The following PDCD1LG2 variants were observed in gnomAD, a reference collection of about 807,000 sequenced individuals.
The protein encoded by PDCD1LG2 is programmed cell death 1 ligand 2.
In PDCD1LG2, 32 loss-of-function variants were observed where a neutral mutation model predicts 28.2. The observed-to-expected ratio is 1.13, with a 90% CI of 0.86 to 1.52. The LOEUF (loss-of-function observed/expected upper bound fraction) is 1.52. Among genes scored for constraint, PDCD1LG2 ranks in the 40% most tolerant of loss-of-function variants. The probability of loss-of-function intolerance (pLI) is 0.00; values close to 1 mark genes in which losing one functional copy is unlikely to be tolerated. For missense variants in PDCD1LG2, 385 were observed against 323.8 expected, an observed-to-expected ratio of 1.19 and a Z score of -1.45; for synonymous variants, 116 against 120.2, an observed-to-expected ratio of 0.97 and a Z score of 0.23.
chr9:5,559,994 G>T lies in PDCD1LG2; in HGVS notation c.766+2242G>T, dbSNP rs996839422. ...AAATATTTTTTCTTGTTGTCCACCTGAGTTGGAGTCATCTTTTAAATCTCA... is the reference window on the plus strand; with the variant it reads ...AAATATTTTTTCTTGTTGTCCACCTTAGTTGGAGTCATCTTTTAAATCTCA... On this transcript the variant is annotated intron_variant, in intron 5 of 6. Transcript: ENST00000397747. 9.9e-5 allele frequency among the ~76,000 whole-genome samples: 15 copies of T among 152,254 alleles called. 1 individual carries two copies. The highest frequency in any genetic ancestry group is 9.8e-4 in the Admixed American group (15 of 15,280).
At chr9:5,529,505 T>C (rs1820441575) in intron 2 of PDCD1LG2, among the ~76,000 whole-genome samples, 2 of 152,250 alleles carry the variant, frequency 1.3e-5, no homozygotes, top group Non-Finnish European at 2.9e-5. Flanking sequence ...CATTAACTTA[T>C]GTGTATATCC....
chr9:5,529,799 C>A (rs192760883), intron 2 of PDCD1LG2, among the ~76,000 whole-genome samples: 3 of 152,272 alleles, frequency 2.0e-5, no homozygotes, highest in Admixed American at 2.0e-4. Context: ...AACTACCCTG[C>A]TGACTGCTGA....
intron 6 of PDCD1LG2, among the ~76,000 whole-genome samples, chr9:5,568,162 G>A (rs1586824387): frequency 6.6e-6 from 1 of 152,276 alleles, no homozygotes; most frequent in East Asian, 1.9e-4. Context: ...TTAGAGTGGA[G>A]GACATAATCA....
chr9:5,519,260 G>T (rs1820228544), intron 1 of PDCD1LG2, among the ~76,000 whole-genome samples: 1 of 152,170 alleles, frequency 6.6e-6, no homozygotes, highest in Non-Finnish European at 1.5e-5. Context: ...GTTGCATAGT[G>T]TTGGGAATGT....
In PDCD1LG2 at chr9:5,560,320, C is replaced by A. The variant is rs185131413; in HGVS notation, c.766+2568C>A. 3.4e-3 allele frequency among the ~76,000 whole-genome samples: 522 copies of A among 152,296 alleles called. 1 individual carries two copies. Among genetic ancestry groups the A allele is most frequent in the African/African-American group, 0.012 (487 of 41,560 alleles). ...CAAACTGCCAGAAAGCTTACTTAGCCCACAGGGCCAGTGCTAGGCAGCTAG... is the reference window on the plus strand; with the variant it reads ...CAAACTGCCAGAAAGCTTACTTAGCACACAGGGCCAGTGCTAGGCAGCTAG... On this transcript the variant is annotated intron_variant, in intron 5 of 6. Coordinates refer to ENST00000397747, the MANE Select transcript of PDCD1LG2 (RefSeq NM_025239.4).
chr9:5,529,175 T>A (rs1229783979), intron 2 of PDCD1LG2, among the ~76,000 whole-genome samples: 1 of 152,276 alleles, frequency 6.6e-6, no homozygotes, highest in Admixed American at 6.5e-5. Context: ...GATTTATCAA[T>A]GTTTTCTTTT....
chr9:5,560,166 T>G (rs1372455601), intron 5 of PDCD1LG2, among the ~76,000 whole-genome samples: 2 of 152,240 alleles, frequency 1.3e-5, no homozygotes. Context: ...GGATCTGTTT[T>G]AATAGCTTGG....
chr9:5,534,747 T>G lies in PDCD1LG2; in HGVS notation c.58T>G (p.Leu20Val), dbSNP rs1820547052. 3.1e-6 allele frequency: 5 copies of G among 1,594,304 alleles called. No individual in the cohort carries two copies. The highest frequency in any genetic ancestry group is 4.3e-6 in the Non-Finnish European group (5 of 1,167,596). ...LELQLHQIAA[L>V]FTVTVPKELY... The stretch of plus-strand genomic sequence containing the variant: ...AAAATATCTTGTTTTCTTTTCAGCT[T>G]TATTCACAGTGACAGTCCCTAAGGA... Residue 20 changes from leucine (L) to valine (V), a missense_variant and splice_region_variant, in exon 3 of 7, where the codon TTA becomes GTA. Physicochemically the swap from Leu to Val is conservative, Grantham distance 32 (BLOSUM62 1). Transcript: ENST00000397747.
intron 4 of PDCD1LG2, among the ~76,000 whole-genome samples, chr9:5,556,352 A>T (rs1816442132): frequency 6.6e-6 from 1 of 152,076 alleles, no homozygotes; most frequent in African/African-American, 2.4e-5. Flanking sequence ...GGGTTATCCA[A>T]TGTTTGGATG....
chr9:5,511,578 T>C (rs988914175), intron 1 of PDCD1LG2, among the ~76,000 whole-genome samples: 11 of 152,278 alleles, frequency 7.2e-5, no homozygotes, highest in Non-Finnish European at 1.6e-4. Flanking sequence ...GAGACCTAAA[T>C]TGACAAAATG....
chr9:5,558,679 A>C (rs1044147132), intron 5 of PDCD1LG2, among the ~76,000 whole-genome samples: 1 of 152,212 alleles, frequency 6.6e-6, no homozygotes, highest in Admixed American at 6.5e-5. Flanking sequence ...ATCTGCCATA[A>C]AATATTGTCA....
intron 1 of PDCD1LG2, among the ~76,000 whole-genome samples, chr9:5,516,038 C>T (rs970520944): frequency 6.6e-6 from 1 of 150,910 alleles, no homozygotes; most frequent in African/African-American, 2.4e-5. Context: ...TGGCTGAGTC[C>T]AGGGTTTTGT....
rs139402157 is a variant in PDCD1LG2, at chr9:5,569,949, C to T, written c.817-5C>T. 58 of 1,613,766 alleles carry T rather than the reference C, an allele frequency of 3.6e-5. No individual in the cohort carries two copies. The African/African-American group carries it at 5.7e-4, about 16-fold the overall frequency. ...TTTTTCTTATTTGTGGGCTTTTCTC[C>T]CCAGATCTGAACCTGTGGTCTTGGG... On this transcript the variant is annotated splice_polypyrimidine_tract_variant and splice_region_variant and intron_variant, in intron 6 of 6. Transcript: ENST00000397747. This position sits in a 1 kb window ranked among gnomAD's most constrained non-coding sequence, Gnocchi z 4.1.
chr9:5,565,302 C>T (rs1180520181), intron 6 of PDCD1LG2, among the ~76,000 whole-genome samples: 1 of 152,200 alleles, frequency 6.6e-6, no homozygotes, highest in Non-Finnish European at 1.5e-5. Context: ...CCACCTCAGC[C>T]TCCTGAGTAG....
intron 6 of PDCD1LG2, among the ~76,000 whole-genome samples, chr9:5,566,471 C>A (rs903818354): frequency 6.6e-6 from 1 of 152,120 alleles, no homozygotes; most frequent in African/African-American, 2.4e-5. Context: ...ATAAGTGATG[C>A]GTGTTATTTC....
At chr9:5,531,322 T>G (rs923099131) in intron 2 of PDCD1LG2, among the ~76,000 whole-genome samples, 1 of 152,230 alleles carries the variant, frequency 6.6e-6, no homozygotes, top group Non-Finnish European at 1.5e-5. Flanking sequence ...TCTATTGCAT[T>G]GCCTAAACCT....
chr9:5,531,259 C>A (rs1181814762), intron 2 of PDCD1LG2, among the ~76,000 whole-genome samples: 2 of 152,176 alleles, frequency 1.3e-5, no homozygotes, highest in African/African-American at 2.4e-5. Context: ...GCATCAGTGT[C>A]TTGATTGCCT....
chr9:5,566,132 C>G (rs1029611309), intron 6 of PDCD1LG2, among the ~76,000 whole-genome samples: 25 of 152,136 alleles, frequency 1.6e-4, no homozygotes, highest in African/African-American at 5.8e-4. Flanking sequence ...CCATCCCGCA[C>G]TCTCATTTTG....
At chr9:5,531,269 T>A (rs1820478698) in intron 2 of PDCD1LG2, among the ~76,000 whole-genome samples, 1 of 152,200 alleles carries the variant, frequency 6.6e-6, no homozygotes, top group Admixed American at 6.5e-5. Context: ...CTTGATTGCC[T>A]CTGTAACTTA....
Sources: allele counts gnomAD v4.1 joint callset (sites outside exome capture counted in the v4.1 genomes callset), GRCh38; gene constraint gnomAD v4.1.1; non-coding constraint Gnocchi (gnomAD v3.1); transcripts MANE v1.5; gene names NCBI Gene and HGNC (gene_info 2026-07-23, HGNC 2026-07-21).